The following TSNAX variants were observed in gnomAD, a reference collection of about 807,000 sequenced individuals.
TSNAX encodes the protein translin associated factor X, also known as translin-associated protein X.
In TSNAX, 12 loss-of-function variants were observed where a neutral mutation model predicts 33.0. The observed-to-expected ratio is 0.36, with a 90% confidence interval of 0.23 to 0.59. TSNAX has a LOEUF of 0.59. TSNAX is among the 20% of genes least tolerant of loss of function. TSNAX has a pLI of 0.74. For missense variants in TSNAX, 267 were observed against 341.3 expected, an observed-to-expected ratio of 0.78 and a Z score of 1.72; for synonymous variants, 110 against 117.2, an observed-to-expected ratio of 0.94 and a Z score of 0.40.
At chr1:231,560,805 G>T (rs141526391) in intron 4 of TSNAX, among the ~76,000 whole-genome samples, 1 of 151,716 alleles carries the variant, frequency 6.6e-6, no homozygotes, top group Non-Finnish European at 1.5e-5. Flanking sequence ...GATTACAGGC[G>T]CCCGCCACCA....
chr1:231,565,189 G>C lies in TSNAX; in HGVS notation c.*284G>C. ...CTTTGTAATGTGAACATGCTTCAGA[G>C]TGTACCTTTTGCCATAACCTATTTT... On this transcript the variant is annotated 3_prime_UTR_variant, in exon 6 of 6. Transcript: ENST00000366639. 1 of 270,304 alleles carries C rather than the reference G, an allele frequency of 3.7e-6. No homozygotes were observed. The highest frequency in any genetic ancestry group is 6.9e-6 in the Non-Finnish European group (1 of 144,142). The allele number at this position is 270,304 out of a possible 1,614,324, so 16.7% of individuals were successfully genotyped here.
In TSNAX at chr1:231,565,103, G is replaced by C; in HGVS notation, c.*198G>C. The C allele has an allele frequency of 1.5e-6, 1 of 665,170 alleles. No homozygotes were observed. The highest frequency in any genetic ancestry group is 2.4e-6 in the Non-Finnish European group (1 of 420,140). The allele number at this position is 665,170 out of a possible 1,614,324, so 41.2% of individuals were successfully genotyped here. A position where few individuals can be genotyped will look rare whatever the true frequency, so the allele number is the denominator to read the frequency against. On this transcript the variant is annotated 3_prime_UTR_variant, in exon 6 of 6. Transcript: ENST00000366639. ...TCTTATATCTTATTCATGAAAGTTT[G>C]CATACAGATGTTTGCATATATGCCT...
intron 4 of TSNAX, among the ~76,000 whole-genome samples, chr1:231,552,628 A>G (rs926821532): frequency 6.6e-6 from 1 of 152,214 alleles, no homozygotes; most frequent in Non-Finnish European, 1.5e-5. Context: ...TTTAAATTGA[A>G]TAATTCATTT....
rs1462181060 is a variant in TSNAX, at chr1:231,529,276, G to A, written c.38G>A (p.Arg13Lys). Reference sequence around the variant, plus strand: ...TAAGGATCAGGAGGGTTCAGGAAAAGGAAGCATGACAATTTCCCACATAAC... The same window carrying A: ...TAAGGATCAGGAGGGTTCAGGAAAAAGAAGCATGACAATTTCCCACATAAC... The part of the protein sequence containing the change: ...NKEGSGGFRK[R>K]KHDNFPHNQR... The change falls in exon 2 of 6, where the codon AGG becomes AAG. Residue 13 changes from arginine to lysine, a missense_variant. Arg to Lys is a conservative substitution (Grantham distance 26). Coordinates refer to ENST00000366639, the MANE Select transcript of TSNAX (RefSeq NM_005999.3). The A allele has an allele frequency of 6.2e-7, 1 of 1,614,140 alleles. No individual in the cohort carries two copies. The highest frequency in any genetic ancestry group is 1.1e-5 in the South Asian group (1 of 91,084).
intron 4 of TSNAX, among the ~76,000 whole-genome samples, chr1:231,550,707 C>A (rs144943674): frequency 6.6e-6 from 1 of 152,252 alleles, no homozygotes; most frequent in African/African-American, 2.4e-5. Context: ...CTCCTTTCGT[C>A]CCCTATTGGT....
At chr1:231,532,178 AC>A (rs1658791007) in intron 2 of TSNAX, among the ~76,000 whole-genome samples, 1 of 94,138 alleles carries the variant, frequency 1.1e-5, no homozygotes, top group Non-Finnish European at 2.5e-5. Flanking sequence ...ACACACACAC[AC>A]ACACACAGTT....
chr1:231,540,606 G>A (rs1659514997), intron 3 of TSNAX, among the ~76,000 whole-genome samples: 2 of 152,180 alleles, frequency 1.3e-5, no homozygotes, highest in African/African-American at 4.8e-5. Context: ...CACTTGAAGA[G>A]TGTGTATTCT....
At chr1:231,542,377 A>G in intron 3 of TSNAX, 104 bp from the exon 4 acceptor site, 1 of 1,188,476 alleles carries the variant, frequency 8.4e-7, no homozygotes, top group African/African-American at 1.5e-5. Flanking sequence ...TTAGAAGTAT[A>G]TGAATGCATA....
intron 4 of TSNAX, among the ~76,000 whole-genome samples, chr1:231,543,170 TCC>T (rs1224606891): frequency 9.3e-5 from 14 of 150,930 alleles, no homozygotes; most frequent in Admixed American, 3.3e-4. Flanking sequence ...AGCACAAGAC[TCC>T]GTCTCAAAAA....
chr1:231,542,846 T>A (rs1487851057), intron 4 of TSNAX: 1 of 374,668 alleles, frequency 2.7e-6, no homozygotes, highest in African/African-American at 2.1e-5. Flanking sequence ...GAACACAGAT[T>A]TAATAGGATG....
intron 4 of TSNAX, among the ~76,000 whole-genome samples, chr1:231,546,122 C>T (rs551688240): frequency 1.1e-4 from 16 of 152,308 alleles, no homozygotes; most frequent in Middle Eastern, 3.4e-3. Flanking sequence ...TTCATTATCT[C>T]TCTTTCCCTT....
Position 231,554,307 on chromosome 1 carries a change from A to AT in TSNAX, c.368-6813dup, listed in dbSNP as rs201545112. Among the ~76,000 whole-genome samples the AT allele has an allele frequency of 6.6e-3, 999 of 152,050 alleles. 9 individuals are homozygous for AT. The highest frequency in any genetic ancestry group is 0.021 in the African/African-American group (886 of 41,476). On this transcript the variant is annotated intron_variant, in intron 4 of 5. Transcript: ENST00000366639. Reference sequence around the variant, plus strand: ...ATAATTGAATACCAAATTTTAAAATATTTTTTTTGTTGAGGCACTTAGTTT... The same window carrying AT: ...ATAATTGAATACCAAATTTTAAAATATTTTTTTTTGTTGAGGCACTTAGTTT...
chr1:231,560,372 G>A (rs371798817), intron 4 of TSNAX, among the ~76,000 whole-genome samples: 6 of 138,530 alleles, frequency 4.3e-5, no homozygotes, highest in South Asian at 4.6e-4. Context: ...TTTTATTAAA[G>A]CCTATCAAAA....
intron 4 of TSNAX, among the ~76,000 whole-genome samples, chr1:231,558,358 T>C (rs754166668): frequency 3.3e-5 from 5 of 152,146 alleles, no homozygotes; most frequent in Admixed American, 1.3e-4. Flanking sequence ...GAGAGCTCTT[T>C]ACAGTTCTTT....
intron 4 of TSNAX, among the ~76,000 whole-genome samples, chr1:231,550,696 A>C (rs1477399142): frequency 2.0e-5 from 3 of 151,764 alleles, no homozygotes; most frequent in African/African-American, 7.3e-5. Flanking sequence ...TTCCTCTTCT[A>C]CTCCTTTCGT....
chr1:231,556,001 T>C (rs1660667239), intron 4 of TSNAX, among the ~76,000 whole-genome samples: 1 of 152,108 alleles, frequency 6.6e-6, no homozygotes, highest in South Asian at 2.1e-4. Context: ...AGAAAAGCAA[T>C]AGACAATCAA....
In TSNAX at chr1:231,539,108, T is replaced by G. The variant is rs562347846; in HGVS notation, c.236+1781T>G. Among the ~76,000 whole-genome samples, 5 of 152,310 alleles carry G rather than the reference T, an allele frequency of 3.3e-5. No homozygotes were observed. In the South Asian group the frequency reaches 1.0e-3, roughly 32 times the overall value. ...TTCTTACCTGACTGTGTAAAATTAG[T>G]TTTTGCTTGTTTTCTCATATCATTC... On this transcript the variant is annotated intron_variant, in intron 3 of 5. Coordinates refer to ENST00000366639, the MANE Select transcript of TSNAX (RefSeq NM_005999.3).
intron 4 of TSNAX, among the ~76,000 whole-genome samples, chr1:231,551,048 TAAG>T (rs1443890911): frequency 6.6e-6 from 1 of 152,196 alleles, no homozygotes; most frequent in Non-Finnish European, 1.5e-5. Context: ...TTTAGTGTAT[TAAG>T]AAAATAAAAA....
intron 3 of TSNAX, among the ~76,000 whole-genome samples, chr1:231,540,955 A>ATTGTTATTGT (rs1659536157): frequency 6.6e-6 from 1 of 152,200 alleles, no homozygotes; most frequent in Admixed American, 6.5e-5. Context: ...ATTAGAACGT[A>ATTGTTATTGT]TATCTTTTCA....
Sources: gnomAD v4.1 joint callset for allele counts (sites outside exome capture counted in the v4.1 genomes callset) on GRCh38, gnomAD v4.1.1 for gene constraint, MANE v1.5 for transcripts, NCBI Gene and HGNC (gene_info 2026-07-23, HGNC 2026-07-21) for gene names.